Variants in ENO4 observed in about 807,000 individuals in gnomAD.
ENO4 encodes the protein enolase 4.
A neutral mutation model predicts 63.2 loss-of-function variants in ENO4; 53 were observed. The observed-to-expected ratio is 0.84, with a 90% CI of 0.67 to 1.05. ENO4 has a LOEUF of 1.05. Ranked by LOEUF, ENO4 falls within the 50% of genes least tolerant of loss-of-function variation. The pLI, the probability that ENO4 is intolerant of heterozygous loss-of-function variation, is 0.00. For missense variants in ENO4, 719 were observed against 772.0 expected, an observed-to-expected ratio of 0.93 and a Z score of 0.81; for synonymous variants, 266 against 283.8, an observed-to-expected ratio of 0.94 and a Z score of 0.63.
chr10:116,900,067 A>C (rs968624531), intron 10 of ENO4, among the ~76,000 whole-genome samples: 3 of 152,250 alleles, frequency 2.0e-5, no homozygotes, highest in African/African-American at 4.8e-5. Flanking sequence ...TCTCAGATTC[A>C]ATCTGGATAG....
Position 116,868,646 on chromosome 10 carries a change from AC to A in ENO4, c.991-3del. ...GTGATACATTTTTATCTTCTGCCCCACAGCCCTCTCCTCCAAAAGCAGAGAC... is the reference window on the plus strand; with the variant it reads ...GTGATACATTTTTATCTTCTGCCCCAAGCCCTCTCCTCCAAAAGCAGAGAC... On this transcript the variant is annotated splice_region_variant and splice_polypyrimidine_tract_variant and intron_variant, in intron 7 of 13. Coordinates refer to ENST00000341276, the MANE Select transcript of ENO4 (RefSeq NM_001242699.2). 1 of 1,550,454 alleles carries A rather than the reference AC, an allele frequency of 6.4e-7. No individual in the cohort carries two copies. The highest frequency in any genetic ancestry group is 8.7e-7 in the Non-Finnish European group (1 of 1,146,914).
chr10:116,855,821 G>A, intron 2 of ENO4, 70 bp downstream of exon 2: 2 of 1,420,736 alleles, frequency 1.4e-6, no homozygotes, highest in South Asian at 1.5e-5. Flanking sequence ...ACTTGTCTAA[G>A]CTGTAGAAAA....
chr10:116,881,687 G>T lies in ENO4; in HGVS notation c.*18G>T, dbSNP rs1260872555. ...CTGGATAGGGCTGTACACACCCCAG[G>T]TTCCAGCCACACCATCAGTATTAGT... On this transcript the variant is annotated 3_prime_UTR_variant, in exon 14 of 14. Coordinates refer to ENST00000341276, the MANE Select transcript of ENO4 (RefSeq NM_001242699.2). The T allele has an allele frequency of 1.4e-6, 2 of 1,469,398 alleles. No individual in the cohort carries two copies. The highest frequency in any genetic ancestry group is 2.8e-5 in the South Asian group (2 of 70,672). The allele number at this position is 1,469,398 out of a possible 1,614,324, so 91.0% of individuals were successfully genotyped here.
At chr10:116,879,206 G>C in intron 11 of ENO4, 85 bp from the exon 12 acceptor site, 1 of 956,456 alleles carries the variant, frequency 1.0e-6, no homozygotes, top group South Asian at 1.7e-5. Context: ...TTTTAAATCT[G>C]AGAAATTTTA....
rs1846238511 is a variant in ENO4 at position 116,855,604 on chromosome 10, T to C, written c.166-19T>C. ...ACAACTTGAACCAGATGATTTTTGT[T>C]CTTTTGTGTGTGTTGAAGGCAAACT... On this transcript the variant is annotated intron_variant, in intron 1 of 13. Transcript: ENST00000341276. 1 of 1,536,006 alleles carries C rather than the reference T, an allele frequency of 6.5e-7. No individual in the cohort carries two copies. Among genetic ancestry groups the C allele is most frequent in the Non-Finnish European group, 8.7e-7 (1 of 1,146,842 alleles).
chr10:116,868,433 GA>G, intron 7 of ENO4: 2 of 679,076 alleles, frequency 2.9e-6, no homozygotes, highest in Non-Finnish European at 5.4e-6. Flanking sequence ...TGAACTAAAG[GA>G]AACACATTCC....
chr10:116,904,282 C>T (rs565070680), intron 10 of ENO4, among the ~76,000 whole-genome samples: 70 of 152,278 alleles, frequency 4.6e-4, no homozygotes, highest in African/African-American at 1.6e-3. Flanking sequence ...TTACTTTCCC[C>T]CCTGGAATTT....
At chr10:116,856,961 C>G (rs919148625) in intron 3 of ENO4, among the ~76,000 whole-genome samples, 1 of 150,758 alleles carries the variant, frequency 6.6e-6, no homozygotes, top group African/African-American at 2.4e-5. Flanking sequence ...TGGACTCCAG[C>G]CTGGGCGACA....
downstream of ENO4, chr10:116,911,950 A>G: frequency 1.3e-6 from 1 of 781,952 alleles, no homozygotes; most frequent in African/African-American, 1.8e-5. Context: ...GGTAATATGT[A>G]TGACTATATA....
intron 10 of ENO4, among the ~76,000 whole-genome samples, chr10:116,906,345 T>A (rs2627192): frequency 0.96 from 146,157 of 152,304 alleles, 70,431 homozygotes; most frequent in East Asian, 1. Context: ...TGTTGCCGAA[T>A]CTCTTCCTGA....
rs201857157 is a variant in ENO4, at chr10:116,862,815, T to G, written c.953T>G (p.Met318Arg). ...TACTTACAGGGTGTCGAGATGCTTA[T>G]GGAAATGCAGAAACATATCAACAAA... Reference protein sequence around the residue: ...LTTKQGVEMLMEMQKHINKII... With the variant: ...LTTKQGVEMLREMQKHINKII... The change falls in exon 7 of 14, where the codon ATG (methionine) becomes AGG (arginine). Residue 318 changes from methionine (M) to arginine (R), a missense_variant. Physicochemically the swap from Met to Arg is moderately conservative, Grantham distance 91. This residue lies in a region of ENO4 where 544 missense variants were observed against 583.6 expected (regional missense o/e 0.93). Transcript: ENST00000341276. 2.7e-5 allele frequency: 42 copies of G among 1,549,700 alleles called. No individual in the cohort carries two copies. Among genetic ancestry groups the G allele is most frequent in the Non-Finnish European group, 3.6e-5 (41 of 1,146,338 alleles).
chr10:116,893,349 C>T (rs1028594863), intron 10 of ENO4, among the ~76,000 whole-genome samples: 1 of 152,142 alleles, frequency 6.6e-6, no homozygotes, highest in Non-Finnish European at 1.5e-5. Context: ...ACCTTTGTAG[C>T]AGCGCTTTGC....
chr10:116,870,809 A>G (rs994965898), intron 8 of ENO4, among the ~76,000 whole-genome samples: 2 of 152,170 alleles, frequency 1.3e-5, no homozygotes, highest in Non-Finnish European at 2.9e-5. Flanking sequence ...AGATTCACCA[A>G]CTGGGTGGTT....
intron 7 of ENO4, among the ~76,000 whole-genome samples, chr10:116,865,544 T>C (rs976855191): frequency 6.6e-6 from 1 of 152,246 alleles, no homozygotes; most frequent in Admixed American, 6.5e-5. Context: ...TTAAATTGTA[T>C]GATATGGAGT....
chr10:116,898,679 A>C (rs1344627214), intron 10 of ENO4, among the ~76,000 whole-genome samples: 2 of 152,212 alleles, frequency 1.3e-5, no homozygotes, highest in African/African-American at 4.8e-5. Flanking sequence ...AAATAGAAAC[A>C]GAATAAATTA....
rs573164363 is a variant in ENO4 at position 116,899,842 on chromosome 10, A to T, written c.1195-11657A>T. Among the ~76,000 whole-genome samples the T allele has an allele frequency of 1.3e-4, 20 of 152,356 alleles. No homozygotes were observed. The South Asian group carries it at 3.9e-3, about 30-fold the overall frequency. The stretch of plus-strand genomic sequence containing the variant: ...TGGTTAGTGTAACAGAGTACTTACT[A>T]ATAAGTCAAAGCCAGCCAGACACAG... On this transcript the variant is annotated intron_variant, in intron 10 of 10. Coordinates refer to the ENO4 transcript ENST00000369207.
At chr10:116,906,409 G>C (rs995422151) in intron 10 of ENO4, among the ~76,000 whole-genome samples, 1 of 152,056 alleles carries the variant, frequency 6.6e-6, no homozygotes, top group African/African-American at 2.4e-5. Context: ...ATAAATGCCT[G>C]GTTACCTACA....
chr10:116,883,903 A>G (rs568470254), downstream of ENO4: 13 of 206,472 alleles, frequency 6.3e-5, no homozygotes, highest in African/African-American at 3.1e-4. Context: ...GCTTTAATTA[A>G]AATCTTATTC....
intron 10 of ENO4, among the ~76,000 whole-genome samples, chr10:116,899,963 T>G (rs1006815007): frequency 6.6e-6 from 1 of 152,212 alleles, no homozygotes; most frequent in Non-Finnish European, 1.5e-5. Context: ...GTAACTACAT[T>G]AAGTTAAAAT....
Sources: allele counts gnomAD v4.1 joint callset (sites outside exome capture counted in the v4.1 genomes callset), GRCh38; gene constraint gnomAD v4.1.1; regional missense constraint gnomAD v4.1.1; transcripts MANE v1.5; gene names NCBI Gene and HGNC (gene_info 2026-07-23, HGNC 2026-07-21).